LRP1B: variants seen among roughly 807,000 people sequenced by gnomAD.
The protein encoded by LRP1B is low-density lipoprotein receptor-related protein 1B.
Under a neutral mutation model 556.6 loss-of-function variants are expected in LRP1B, and 217 were observed. That is an observed-to-expected ratio of 0.39 (90% CI 0.35 to 0.44). LRP1B has a LOEUF of 0.44. Among genes scored for constraint, LRP1B ranks in the 20% least tolerant of loss-of-function variants. The probability of loss-of-function intolerance (pLI) is 1.00; values close to 1 mark genes in which losing one functional copy is unlikely to be tolerated. For synonymous variants in LRP1B, 2,047 were observed against 1,865.8 expected, an observed-to-expected ratio of 1.10 and a Z score of -2.50; for missense variants, 5,053 against 5,620.8, an observed-to-expected ratio of 0.90 and a Z score of 3.23.
intron 1 of LRP1B, among the ~76,000 whole-genome samples, chr2:142,000,214 A>G (rs889408562): frequency 2.0e-5 from 3 of 152,164 alleles, no homozygotes; most frequent in African/African-American, 7.2e-5. Flanking sequence ...GCACAAACTC[A>G]TGGCAGCGTT....
At chr2:140,997,474 T>C (rs932401962) in intron 15 of LRP1B, among the ~76,000 whole-genome samples, 2 of 151,888 alleles carry the variant, frequency 1.3e-5, no homozygotes, top group Non-Finnish European at 2.9e-5. Context: ...TTTAATAACC[T>C]GTGGTGTGCA....
chr2:141,891,872 T>A (rs1466344427), intron 1 of LRP1B, among the ~76,000 whole-genome samples: 2 of 152,142 alleles, frequency 1.3e-5, no homozygotes, highest in Non-Finnish European at 2.9e-5. Flanking sequence ...TTTAATATTT[T>A]TTTCTGTGTT....
intron 31 of LRP1B, among the ~76,000 whole-genome samples, chr2:140,822,004 A>G (rs1691346474): frequency 6.6e-6 from 1 of 152,158 alleles, no homozygotes; most frequent in South Asian, 2.1e-4. Flanking sequence ...GTCTCAAAAA[A>G]AAAAGAAAAA....
chr2:141,838,119 C>T (rs906182744), intron 1 of LRP1B, among the ~76,000 whole-genome samples: 3 of 152,090 alleles, frequency 2.0e-5, no homozygotes, highest in African/African-American at 7.2e-5. Context: ...TACCTACTGT[C>T]TGCCAAATAG....
At chr2:142,043,148 G>C (rs1704121391) in intron 1 of LRP1B, among the ~76,000 whole-genome samples, 1 of 151,504 alleles carries the variant, frequency 6.6e-6, no homozygotes, top group Non-Finnish European at 1.5e-5. Flanking sequence ...GGGTTAACTG[G>C]ATGTAATTGA....
At chr2:141,167,506 C>T (rs1249455) in intron 7 of LRP1B, 8 of 151,166 alleles carry the variant, frequency 5.3e-5, no homozygotes, top group Non-Finnish European at 1.0e-4. Context: ...TCTTTCCAGG[C>T]GTGGTATTAA....
chr2:140,854,054 T>A (rs1692539195), intron 27 of LRP1B, among the ~76,000 whole-genome samples: 2 of 95,810 alleles, frequency 2.1e-5, no homozygotes, highest in Admixed American at 1.2e-4. Context: ...TTCCCCCATA[T>A]CTGAATAAAA....
chr2:140,375,688 A>ATAT (rs975234968), intron 68 of LRP1B, among the ~76,000 whole-genome samples: 96 of 152,250 alleles, frequency 6.3e-4, no homozygotes, highest in African/African-American at 2.2e-3. Context: ...AGCAGAGCCA[A>ATAT]TATTATTATT....
chr2:141,149,221 G>C (rs1701861544), intron 7 of LRP1B, among the ~76,000 whole-genome samples: 1 of 151,430 alleles, frequency 6.6e-6, no homozygotes, highest in Non-Finnish European at 1.5e-5. Context: ...TTTTTTTGGT[G>C]GTGGTGGTGT....
intron 32 of LRP1B, among the ~76,000 whole-genome samples, chr2:140,800,254 A>G (rs924991513): frequency 1.3e-5 from 2 of 152,080 alleles, no homozygotes; most frequent in African/African-American, 4.8e-5. Context: ...GTCATAGGGG[A>G]GGAGGAGCGG....
chr2:140,258,294 G>C (rs1362871712), intron 86 of LRP1B, among the ~76,000 whole-genome samples: 1 of 144,282 alleles, frequency 6.9e-6, no homozygotes, highest in South Asian at 2.2e-4. Flanking sequence ...TATTCACCTT[G>C]AATCCTTCTG....
chr2:141,982,255 G>C (rs1194833122), intron 1 of LRP1B, among the ~76,000 whole-genome samples: 2 of 152,100 alleles, frequency 1.3e-5, no homozygotes, highest in Non-Finnish European at 2.9e-5. Context: ...CTAAACCCAT[G>C]GTCCAAATTC....
intron 20 of LRP1B, among the ~76,000 whole-genome samples, chr2:140,937,809 T>A (rs1204998598): frequency 6.6e-6 from 1 of 152,060 alleles, no homozygotes; most frequent in South Asian, 2.1e-4. Flanking sequence ...TGGTTTTAAT[T>A]TCCTCTCTCT....
Position 140,364,688 on chromosome 2 carries a change from T to G in LRP1B, c.11104A>C (p.Asn3702His). ...CACATATCAGGGGCTTCATCAGAGT[T>G]GTCTCCACAGTCGTCCTCTCCATCA... ...VCDGEDDCGD[N>H]SDEAPDMCVK... The change falls in exon 72 of 91, where the codon AAC (asparagine) becomes CAC (histidine). Residue 3702 changes from asparagine (N) to histidine (H), a missense_variant. Asn to His is a moderately conservative substitution (Grantham distance 68). This residue lies in a region of LRP1B where 599 missense variants were observed against 648.4 expected (regional missense o/e 0.92). Coordinates refer to ENST00000389484, the MANE Select transcript of LRP1B (RefSeq NM_018557.3). 1 of 1,610,216 alleles carries G rather than the reference T, an allele frequency of 6.2e-7. No homozygotes were observed. Among genetic ancestry groups the G allele is most frequent in the East Asian group, 2.2e-5 (1 of 44,698 alleles).
At chr2:140,791,822 T>TG (rs35642291) in intron 32 of LRP1B, among the ~76,000 whole-genome samples, 126,799 of 152,116 alleles carry the variant, frequency 0.83, 53,179 homozygotes, top group East Asian at 0.99. Context: ...AATCAGGATA[T>TG]CCTCCCAAAA....
At chr2:140,852,308 CAG>C (rs1277998855) in intron 27 of LRP1B, among the ~76,000 whole-genome samples, 1 of 152,146 alleles carries the variant, frequency 6.6e-6, no homozygotes, top group African/African-American at 2.4e-5. Context: ...ACCTGGGTGA[CAG>C]AGTGAGACTC....
At chr2:141,504,342 T>A (rs1683839853) in intron 2 of LRP1B, among the ~76,000 whole-genome samples, 1 of 152,098 alleles carries the variant, frequency 6.6e-6, no homozygotes, top group Non-Finnish European at 1.5e-5. Flanking sequence ...ATTAATTCAG[T>A]AAGGCCTTAT....
At chr2:141,387,679 GC>G (rs1689880750) in intron 3 of LRP1B, among the ~76,000 whole-genome samples, 1 of 152,006 alleles carries the variant, frequency 6.6e-6, no homozygotes, top group African/African-American at 2.4e-5. Context: ...TTAAAAATCT[GC>G]CAACATTGAA....
chr2:141,359,060 A>T (rs1273442331), intron 3 of LRP1B, among the ~76,000 whole-genome samples: 1 of 152,108 alleles, frequency 6.6e-6, no homozygotes, highest in East Asian at 1.9e-4. Flanking sequence ...CAAATCTATG[A>T]TTACAATCAT....
Sources: gnomAD v4.1 joint callset for allele counts (sites outside exome capture counted in the v4.1 genomes callset) on GRCh38, gnomAD v4.1.1 for gene constraint, gnomAD v4.1.1 regional missense constraint, MANE v1.5 for transcripts, NCBI Gene and HGNC (gene_info 2026-07-23, HGNC 2026-07-21) for gene names.